DRC9: variants seen among roughly 807,000 people sequenced by gnomAD.
The protein encoded by DRC9 is dynein regulatory complex subunit 9.
chr3:197,953,845 G>A, the DRC9 span: 23 of 719,552 alleles, frequency 3.2e-5, no homozygotes, highest in East Asian at 3.0e-4. Context: ...ATAGTTACTC[G>A]ATAAGTATCT....
At chr3:197,910,419 T>C in the DRC9 span, among the ~76,000 whole-genome samples, 1 of 152,210 alleles carries the variant, frequency 6.6e-6, no homozygotes, top group Non-Finnish European at 1.5e-5. Context: ...CACTGATAAA[T>C]ATCCAACACC....
chr3:197,942,476 T>C, the DRC9 span, among the ~76,000 whole-genome samples: 2 of 149,558 alleles, frequency 1.3e-5, no homozygotes, highest in Non-Finnish European at 3.0e-5. Flanking sequence ...AATGGAAAAT[T>C]AAAGGGAAAT....
At chr3:197,901,543 G>A in the DRC9 span, among the ~76,000 whole-genome samples, 1 of 152,232 alleles carries the variant, frequency 6.6e-6, no homozygotes, top group African/African-American at 2.4e-5. This position sits in a 1 kb window ranked among gnomAD's most constrained non-coding sequence, Gnocchi z 4.4. Context: ...ACCACAAACT[G>A]ACTGGAGAGT....
chr3:197,897,253 T>G, the DRC9 span, among the ~76,000 whole-genome samples: 1 of 152,068 alleles, frequency 6.6e-6, no homozygotes, highest in Non-Finnish European at 1.5e-5. Context: ...CAAAAAGAGA[T>G]AAAACAACCA....
chr3:197,938,707 G>C, the DRC9 span: 2 of 1,613,748 alleles, frequency 1.2e-6, no homozygotes, highest in African/African-American at 1.3e-5. Flanking sequence ...TAACGGACTG[G>C]GTATTTTTGT....
the DRC9 span, chr3:197,951,811 C>T: frequency 2.4e-5 from 4 of 165,220 alleles, no homozygotes; most frequent in Admixed American, 1.2e-4. Context: ...GATTCTCCTG[C>T]CTCAGCCTCC....
the DRC9 span, among the ~76,000 whole-genome samples, chr3:197,923,584 A>G: frequency 6.6e-6 from 1 of 152,060 alleles, no homozygotes; most frequent in Non-Finnish European, 1.5e-5. Flanking sequence ...TTAAGAAATT[A>G]TCTGGGTGTG....
chr3:197,939,106 C>T, the DRC9 span: 10 of 250,682 alleles, frequency 4.0e-5, no homozygotes, highest in African/African-American at 1.4e-4. Context: ...TTTCTAGGGT[C>T]GGGGGGACAG....
chr3:197,940,086 C>T, the DRC9 span, among the ~76,000 whole-genome samples: 7 of 152,024 alleles, frequency 4.6e-5, no homozygotes, highest in African/African-American at 4.8e-5. Context: ...CTCTGCCTCC[C>T]GGGTTCAAGC....
the DRC9 span, among the ~76,000 whole-genome samples, chr3:197,934,183 C>CTTTTTTTTTTTTTTTTTTTTTTT: frequency 5.0e-5 from 5 of 99,510 alleles, 1 homozygote; most frequent in African/African-American, 1.5e-4. Flanking sequence ...CATTCTGGGT[C>CTTTTTTTTTTTTTTTTTTTTTTT]TTTTTTTTTT....
At chr3:197,955,941 G>A in the DRC9 span, 2 of 648,996 alleles carry the variant, frequency 3.1e-6, no homozygotes, top group Non-Finnish European at 5.5e-6. Context: ...AAATTACAGG[G>A]CGAGTACAGA....
the DRC9 span, among the ~76,000 whole-genome samples, chr3:197,953,050 C>A: frequency 6.6e-6 from 1 of 152,164 alleles, no homozygotes; most frequent in East Asian, 1.9e-4. Flanking sequence ...CCACCCGCCC[C>A]AGCCTCCCAA....
At chr3:197,894,327 A>G in the DRC9 span, among the ~76,000 whole-genome samples, 1 of 152,216 alleles carries the variant, frequency 6.6e-6, no homozygotes, top group African/African-American at 2.4e-5. Context: ...ATCTGCATAT[A>G]TATTATCACT....
chr3:197,899,709 TGA>T, the DRC9 span, among the ~76,000 whole-genome samples: 1 of 150,888 alleles, frequency 6.6e-6, no homozygotes, highest in African/African-American at 2.4e-5. Flanking sequence ...CTGTGCAGAG[TGA>T]GAGGGCGAAA....
At chr3:197,950,118 G>C in the DRC9 span, 362 of 1,231,558 alleles carry the variant, frequency 2.9e-4, no homozygotes, top group Non-Finnish European at 3.6e-4. Flanking sequence ...CTGGCGTTTG[G>C]AGAAGATGCC....
the DRC9 span, chr3:197,891,566 A>C: frequency 3.7e-6 from 5 of 1,354,926 alleles, no homozygotes; most frequent in African/African-American, 5.7e-5. Context: ...ATAGACATTC[A>C]TCATTTATTA....
At chr3:197,940,420 C>G in the DRC9 span, among the ~76,000 whole-genome samples, 1 of 151,984 alleles carries the variant, frequency 6.6e-6, no homozygotes, top group Non-Finnish European at 1.5e-5. Context: ...CAAGAAAACT[C>G]TTTCCAAACT....
chr3:197,933,130 G>A, the DRC9 span, among the ~76,000 whole-genome samples: 1 of 142,634 alleles, frequency 7.0e-6, no homozygotes, highest in African/African-American at 2.7e-5. Flanking sequence ...TTATACATAC[G>A]CATTTCCCTA....
the DRC9 span, among the ~76,000 whole-genome samples, chr3:197,897,725 C>T: frequency 5.0e-3 from 754 of 151,828 alleles, 9 homozygotes; most frequent in African/African-American, 0.017. Context: ...CTGACCATAA[C>T]CATAAATCCG....
Sources: gnomAD v4.1 joint callset for allele counts (sites outside exome capture counted in the v4.1 genomes callset) on GRCh38, gnomAD v4.1.1 for gene constraint, Gnocchi (gnomAD v3.1) non-coding constraint, MANE v1.5 for transcripts, NCBI Gene and HGNC (gene_info 2026-07-23, HGNC 2026-07-21) for gene names.